SLC39A11: variants seen among roughly 807,000 people sequenced by gnomAD.
The protein encoded by SLC39A11 is solute carrier family 39 member 11.
A neutral mutation model predicts 36.1 loss-of-function variants in SLC39A11; 33 were observed. The observed-to-expected ratio is 0.91, with a 90% CI of 0.69 to 1.22. SLC39A11 has a LOEUF of 1.22. Among genes scored for constraint, SLC39A11 ranks in the 50% most tolerant of loss-of-function variants. SLC39A11 has a pLI of 0.00. For synonymous variants in SLC39A11, 166 were observed against 170.3 expected, an observed-to-expected ratio of 0.97 and a Z score of 0.20; for missense variants, 432 against 430.3, an observed-to-expected ratio of 1.00 and a Z score of -0.03.
chr17:72,817,378 G>C (rs572114548), intron 6 of SLC39A11, among the ~76,000 whole-genome samples: 4 of 151,526 alleles, frequency 2.6e-5, no homozygotes, highest in Admixed American at 1.3e-4. Flanking sequence ...GGAGGTGGTG[G>C]TGTAAGGTCT....
chr17:73,018,624 C>G (rs898073429), intron 4 of SLC39A11, among the ~76,000 whole-genome samples: 3 of 152,040 alleles, frequency 2.0e-5, no homozygotes, highest in Non-Finnish European at 1.5e-5. Flanking sequence ...AAAAATAGGG[C>G]TATTGCAGTC....
intron 7 of SLC39A11, among the ~76,000 whole-genome samples, chr17:72,682,840 T>C (rs984549037): frequency 2.6e-5 from 4 of 152,256 alleles, no homozygotes; most frequent in African/African-American, 7.2e-5. Context: ...GTCTGACTTA[T>C]GAGTCAATCT....
At chr17:73,020,632 G>A (rs1021302628) in intron 4 of SLC39A11, among the ~76,000 whole-genome samples, 6 of 151,202 alleles carry the variant, frequency 4.0e-5, no homozygotes, top group Non-Finnish European at 8.9e-5. Context: ...GGGACCATGT[G>A]AGAGAGAACA....
chr17:73,038,004 C>A (rs1292957826), intron 3 of SLC39A11, among the ~76,000 whole-genome samples: 2 of 152,244 alleles, frequency 1.3e-5, no homozygotes, highest in Non-Finnish European at 2.9e-5. Flanking sequence ...AGGCGGATCA[C>A]CTGAGGTTAG....
intron 7 of SLC39A11, among the ~76,000 whole-genome samples, chr17:72,700,218 C>T (rs933030403): frequency 6.6e-6 from 1 of 152,222 alleles, no homozygotes; most frequent in African/African-American, 2.4e-5. Context: ...GCTTGTTCTA[C>T]TGCATTCTAC....
At chr17:72,991,479 T>A (rs967305954) in intron 4 of SLC39A11, among the ~76,000 whole-genome samples, 2 of 152,152 alleles carry the variant, frequency 1.3e-5, no homozygotes, top group South Asian at 4.2e-4. Context: ...TGCCTCAGCC[T>A]CTCAAATAGC....
intron 5 of SLC39A11, among the ~76,000 whole-genome samples, chr17:72,903,568 A>G (rs1221620859): frequency 6.6e-6 from 1 of 152,222 alleles, no homozygotes; most frequent in Non-Finnish European, 1.5e-5. Flanking sequence ...GGCCCCAGCC[A>G]GAGCACAGAG....
intron 6 of SLC39A11, among the ~76,000 whole-genome samples, chr17:72,842,960 T>C (rs1306666915): frequency 6.6e-6 from 1 of 152,200 alleles, no homozygotes; most frequent in Non-Finnish European, 1.5e-5. Context: ...TGCTTATTTG[T>C]TTTTTTCTGA....
At chr17:72,789,475 T>C (rs928558447) in intron 6 of SLC39A11, among the ~76,000 whole-genome samples, 10 of 152,198 alleles carry the variant, frequency 6.6e-5, no homozygotes. Context: ...GGTTTTGTAA[T>C]TGGCTGTGAA....
chr17:72,868,887 A>G (rs1482756044), intron 5 of SLC39A11, among the ~76,000 whole-genome samples: 2 of 152,206 alleles, frequency 1.3e-5, no homozygotes, highest in African/African-American at 4.8e-5. Flanking sequence ...TTCCACGGAT[A>G]GACAGAACTC....
intron 6 of SLC39A11, chr17:72,838,198 A>G (rs919678837): frequency 5.1e-6 from 2 of 391,434 alleles, no homozygotes; most frequent in Non-Finnish European, 4.5e-6. Flanking sequence ...TACTAAAACC[A>G]CTGAATTGTG....
At chr17:72,734,712 C>T (rs960245078) in intron 7 of SLC39A11, among the ~76,000 whole-genome samples, 2 of 152,198 alleles carry the variant, frequency 1.3e-5, no homozygotes, top group African/African-American at 2.4e-5. Flanking sequence ...ATGATGATGT[C>T]GCGGGGGACG....
At chr17:72,787,025 G>A (rs1307774914) in intron 6 of SLC39A11, among the ~76,000 whole-genome samples, 1 of 151,720 alleles carries the variant, frequency 6.6e-6, no homozygotes. Context: ...TCACCATGTT[G>A]GTCAGGCTGG....
At position 72,916,196 on chromosome 17, in the gene SLC39A11, C is replaced by T. The variant is rs567794937; in HGVS notation, c.430+31556G>A. Among the ~76,000 whole-genome samples, 26 of 150,428 alleles carry T rather than the reference C, an allele frequency of 1.7e-4. No individual in the cohort carries two copies. In the South Asian group the frequency reaches 1.9e-3, roughly 11 times the overall value. On this transcript the variant is annotated intron_variant, in intron 5 of 9. Transcript: ENST00000255559. ...GCTGCCCTCACAGCAGTGAAATGCG[C>T]GCACACACAGGCACGTTACACATGC...
chr17:72,934,218 A>C (rs2084606401), intron 5 of SLC39A11, among the ~76,000 whole-genome samples: 1 of 152,222 alleles, frequency 6.6e-6, no homozygotes, highest in African/African-American at 2.4e-5. Context: ...AAAACAAAAA[A>C]AAAGAAAAAC....
chr17:72,684,893 T>C (rs566796377), intron 7 of SLC39A11, among the ~76,000 whole-genome samples: 1 of 152,302 alleles, frequency 6.6e-6, no homozygotes, highest in Non-Finnish European at 1.5e-5. Context: ...CACAAGTTTG[T>C]CTCAGGCCCC....
intron 4 of SLC39A11, among the ~76,000 whole-genome samples, chr17:72,957,191 C>G (rs1171656224): frequency 6.6e-6 from 1 of 152,094 alleles, no homozygotes; most frequent in Admixed American, 6.5e-5. Flanking sequence ...TCCCAGTGGC[C>G]AAAGCAAGTA....
At chr17:72,868,621 A>C (rs1205910280) in intron 5 of SLC39A11, among the ~76,000 whole-genome samples, 35 of 73,278 alleles carry the variant, frequency 4.8e-4, no homozygotes, top group Middle Eastern at 5.6e-3. Context: ...GTCTCTACAA[A>C]AAAAAAAAAA....
chr17:72,871,574 C>T (rs377314189), intron 5 of SLC39A11, among the ~76,000 whole-genome samples: 11 of 152,140 alleles, frequency 7.2e-5, no homozygotes, highest in African/African-American at 2.7e-4. Flanking sequence ...ATCCATCATG[C>T]CTGCATAATG....
Sources: allele counts gnomAD v4.1 joint callset (sites outside exome capture counted in the v4.1 genomes callset), GRCh38; gene constraint gnomAD v4.1.1; transcripts MANE v1.5; gene names NCBI Gene and HGNC (gene_info 2026-07-23, HGNC 2026-07-21).